The following MCC variants were observed in gnomAD, a reference collection of about 807,000 sequenced individuals.
The protein encoded by MCC is colorectal mutant cancer protein.
Under a neutral mutation model 116.2 loss-of-function variants are expected in MCC, and 90 were observed. The observed-to-expected ratio is 0.77, with a 90% CI of 0.65 to 0.92. MCC has a LOEUF of 0.92. Ranked by LOEUF, MCC falls within the 40% of genes least tolerant of loss-of-function variation. The pLI is 0.00. For missense variants in MCC, 1,516 were observed against 1,312.2 expected (o/e 1.16, Z -2.40); for synonymous variants, 578 against 510.5 (o/e 1.13, Z -1.78).
intron 3 of MCC, among the ~76,000 whole-genome samples, chr5:113,190,529 T>A (rs530539350): frequency 1.4e-5 from 2 of 146,420 alleles, no homozygotes; most frequent in African/African-American, 5.6e-5. Flanking sequence ...GCCCTAATTC[T>A]AAGGGGGAAA....
intron 2 of MCC, among the ~76,000 whole-genome samples, chr5:113,377,865 G>A (rs866335664): frequency 1.3e-5 from 2 of 151,908 alleles, no homozygotes; most frequent in Admixed American, 6.6e-5. Context: ...AAATTAAATT[G>A]TTTACCCTTT....
rs533657497 is a variant in MCC, at chr5:113,364,388, G to C, written c.415+20580C>G. On this transcript the variant is annotated intron_variant, in intron 2 of 18. Transcript: ENST00000408903. ...TTTCTCACATCCAGGGTACACAAATGCAAGTGGTGGGCTCCCAAGGCCTTG... is the reference window on the plus strand; with the variant it reads ...TTTCTCACATCCAGGGTACACAAATCCAAGTGGTGGGCTCCCAAGGCCTTG... Among the ~76,000 whole-genome samples, 5 of 152,030 alleles carry C rather than the reference G, an allele frequency of 3.3e-5. No individual in the cohort carries two copies. The South Asian group carries it at 1.0e-3, about 32-fold the overall frequency.
chr5:113,472,665 A>C (rs556787350), intron 1 of MCC, among the ~76,000 whole-genome samples: 1 of 152,208 alleles, frequency 6.6e-6, no homozygotes, highest in Non-Finnish European at 1.5e-5. Context: ...TGAATAGCAA[A>C]TTATTCCTTT....
At chr5:113,132,379 TATACATACATATATATATAC>T (rs1758486805) in intron 5 of MCC, among the ~76,000 whole-genome samples, 1 of 102,982 alleles carries the variant, frequency 9.7e-6, no homozygotes, top group Non-Finnish European at 2.2e-5. Flanking sequence ...TGTGTATATA[TATACATACATATATATATAC>T]ATACATACAT....
At chr5:113,138,035 CTT>C (rs11353616) in intron 5 of MCC, among the ~76,000 whole-genome samples, 102 of 148,848 alleles carry the variant, frequency 6.9e-4, no homozygotes, top group Middle Eastern at 3.5e-3. Flanking sequence ...TCCCAAAATT[CTT>C]TTTTTTTTTT....
intron 5 of MCC, 113 bp from the exon 6 acceptor site, chr5:113,122,939 C>T (rs564532672): frequency 3.1e-4 from 344 of 1,113,090 alleles, no homozygotes; most frequent in Non-Finnish European, 4.2e-4. Flanking sequence ...AGATTTCTCC[C>T]CCAGGCCACA....
At chr5:113,094,331 C>T (rs1755864750) in intron 8 of MCC, among the ~76,000 whole-genome samples, 1 of 151,142 alleles carries the variant, frequency 6.6e-6, no homozygotes, top group Non-Finnish European at 1.5e-5. Flanking sequence ...GATATGTGTG[C>T]TATTTTCTCT....
At chr5:113,365,515 T>C (rs1282959254) in intron 2 of MCC, among the ~76,000 whole-genome samples, 1 of 152,192 alleles carries the variant, frequency 6.6e-6, no homozygotes, top group Non-Finnish European at 1.5e-5. Context: ...TATCTTCTTC[T>C]AAGCCCTCCA....
chr5:113,049,393 T>C, intron 15 of MCC, 94 bp from the exon 16 acceptor site: 1 of 1,018,508 alleles, frequency 9.8e-7, no homozygotes, highest in Non-Finnish European at 1.4e-6. Flanking sequence ...TCCCCGGCTA[T>C]GACCCACAGG....
intron 3 of MCC, among the ~76,000 whole-genome samples, chr5:113,209,592 G>A (rs1201893638): frequency 6.6e-6 from 1 of 152,128 alleles, no homozygotes; most frequent in Non-Finnish European, 1.5e-5. Context: ...ATTTCTTCTG[G>A]GAAAATATTT....
At chr5:113,147,207 G>A (rs1759575771) in intron 4 of MCC, among the ~76,000 whole-genome samples, 2 of 152,152 alleles carry the variant, frequency 1.3e-5, no homozygotes, top group African/African-American at 4.8e-5. Flanking sequence ...ATGCAAAAAT[G>A]TGTAATAAAA....
chr5:113,198,151 T>C (rs1762506094), intron 3 of MCC, among the ~76,000 whole-genome samples: 1 of 152,202 alleles, frequency 6.6e-6, no homozygotes, highest in African/African-American at 2.4e-5. Context: ...ACAGAAATGG[T>C]ATCACCCATA....
intron 6 of MCC, among the ~76,000 whole-genome samples, chr5:113,113,019 G>A (rs1757188404): frequency 6.6e-6 from 1 of 152,210 alleles, no homozygotes; most frequent in Admixed American, 6.5e-5. Flanking sequence ...CTAAGAAACA[G>A]AAGCAGCTGT....
intron 18 of MCC, 89 bp downstream of exon 18, chr5:113,028,845 C>T (rs1021645016): frequency 6.9e-7 from 1 of 1,440,974 alleles, no homozygotes; most frequent in African/African-American, 1.4e-5. Flanking sequence ...AGGGAAATGT[C>T]CATCCCTGGT....
intron 15 of MCC, among the ~76,000 whole-genome samples, chr5:113,050,844 C>A (rs1752436529): frequency 6.6e-6 from 1 of 152,238 alleles, no homozygotes; most frequent in African/African-American, 2.4e-5. Flanking sequence ...AGGCCCTCCA[C>A]CCGGGGGCTT....
chr5:113,163,576 A>G (rs529995522), intron 3 of MCC, among the ~76,000 whole-genome samples: 1 of 152,276 alleles, frequency 6.6e-6, no homozygotes, highest in South Asian at 2.1e-4. Flanking sequence ...CCCCCATAAA[A>G]TTATGAGTTC....
chr5:113,041,733 G>T (rs1481845505), intron 17 of MCC, among the ~76,000 whole-genome samples: 1 of 152,228 alleles, frequency 6.6e-6, no homozygotes. Context: ...AGTGGCTCAT[G>T]CCTGTAATCA....
chr5:113,088,463 C>T (rs528504558), intron 8 of MCC, among the ~76,000 whole-genome samples: 3 of 150,592 alleles, frequency 2.0e-5, no homozygotes, highest in South Asian at 2.2e-4. Flanking sequence ...TGAATGTGAC[C>T]GCATCTCAAA....
At chr5:113,452,111 G>A (rs554500164) in intron 1 of MCC, among the ~76,000 whole-genome samples, 1 of 152,146 alleles carries the variant, frequency 6.6e-6, no homozygotes, top group Non-Finnish European at 1.5e-5. Context: ...ATATGACTGG[G>A]GCTTCCAAGA....
Sources: allele counts gnomAD v4.1 joint callset (sites outside exome capture counted in the v4.1 genomes callset), GRCh38; gene constraint gnomAD v4.1.1; transcripts MANE v1.5; gene names NCBI Gene and HGNC (gene_info 2026-07-23, HGNC 2026-07-21).